The following MYLK3 variants were observed in gnomAD, a reference collection of about 807,000 sequenced individuals.
MYLK3 encodes the protein myosin light chain kinase 3, also known as MLC kinase.
Under a neutral mutation model 76.3 loss-of-function variants are expected in MYLK3, and 55 were observed. That is an observed-to-expected ratio of 0.72 (90% CI 0.58 to 0.90). The LOEUF is 0.90. Ranked by LOEUF, MYLK3 falls within the 40% of genes least tolerant of loss-of-function variation. The pLI is 0.00. For synonymous variants in MYLK3, 416 were observed against 425.4 expected, an observed-to-expected ratio of 0.98 and a Z score of 0.27; for missense variants, 973 against 1,053.6, an observed-to-expected ratio of 0.92 and a Z score of 1.06.
At chr16:46,740,260 C>T in intron 1 of MYLK3, 113 bp from the exon 2 acceptor site, 2 of 751,452 alleles carry the variant, frequency 2.7e-6, no homozygotes, top group Middle Eastern at 3.7e-4. Flanking sequence ...TAGATTACTT[C>T]ACACAGTCTC....
chr16:46,706,114 AC>A lies in MYLK3; in HGVS notation c.*1589del, dbSNP rs951751821. On this transcript the variant is annotated 3_prime_UTR_variant, in exon 13 of 13. Transcript: ENST00000394809. The stretch of plus-strand genomic sequence containing the variant: ...AACAATGTGAGGGTTAGGAGTGCCT[AC>A]CCCCTTGCAGTAGAAAATCTGAGTA... 2.0e-5 allele frequency: 3 copies of A among 151,996 alleles called. No homozygotes were observed. Among genetic ancestry groups the A allele is most frequent in the Non-Finnish European group, 2.9e-5 (2 of 68,004 alleles). 9.4% of individuals were successfully genotyped at this position (151,996 alleles called of 1,614,324 possible).
intron 1 of MYLK3, among the ~76,000 whole-genome samples, chr16:46,743,543 T>C (rs1368401826): frequency 2.0e-5 from 3 of 152,206 alleles, no homozygotes; most frequent in Non-Finnish European, 4.4e-5. Context: ...ATGGGGAGCC[T>C]GGACCAAACC....
intron 9 of MYLK3, among the ~76,000 whole-genome samples, chr16:46,714,556 G>A (rs931273759): frequency 5.3e-5 from 8 of 152,128 alleles, no homozygotes; most frequent in Non-Finnish European, 7.4e-5. Flanking sequence ...ATCAGGAGCC[G>A]AACTCCAACT....
chr16:46,749,008 A>G (rs923258623), upstream of MYLK3, among the ~76,000 whole-genome samples: 2 of 152,242 alleles, frequency 1.3e-5, no homozygotes, highest in Non-Finnish European at 2.9e-5. Flanking sequence ...TGCTCCCCCA[A>G]TAACAACTAT....
chr16:46,728,264 A>G (rs1966846244), intron 7 of MYLK3, among the ~76,000 whole-genome samples: 1 of 152,106 alleles, frequency 6.6e-6, no homozygotes, highest in Non-Finnish European at 1.5e-5. Context: ...AAGCCTGGTC[A>G]CCCTGTATAC....
chr16:46,728,274 C>A (rs1345174987), intron 7 of MYLK3, among the ~76,000 whole-genome samples: 1 of 152,138 alleles, frequency 6.6e-6, no homozygotes, highest in Non-Finnish European at 1.5e-5. Flanking sequence ...ACCCTGTATA[C>A]AAACAGCAAC....
intron 11 of MYLK3, 121 bp from the exon 12 acceptor site, chr16:46,709,792 T>C: frequency 8.5e-7 from 1 of 1,174,896 alleles, no homozygotes; most frequent in East Asian, 2.4e-5. Flanking sequence ...GGCAGATTCA[T>C]GCCATGTACC....
At chr16:46,762,189 A>T (rs1045482040) in intron 1 of MYLK3, among the ~76,000 whole-genome samples, 1 of 152,260 alleles carries the variant, frequency 6.6e-6, no homozygotes, top group Non-Finnish European at 1.5e-5. Context: ...TTCCAGGTTT[A>T]CTAGGTAAAG....
chr16:46,754,559 T>C (rs1227508144), intron 1 of MYLK3, among the ~76,000 whole-genome samples: 1 of 152,172 alleles, frequency 6.6e-6, no homozygotes, highest in African/African-American at 2.4e-5. Context: ...CTGGGCCACC[T>C]CTGGACTCTA....
rs776264425 is a variant in MYLK3, at chr16:46,738,145, T to C, written c.569-2A>G. 30 of 1,516,384 alleles carry C rather than the reference T, an allele frequency of 2.0e-5. No individual in the cohort carries two copies. Among genetic ancestry groups the C allele is most frequent in the Non-Finnish European group, 2.6e-5 (30 of 1,136,276 alleles). The allele number at this position is 1,516,384 out of a possible 1,614,324, so 93.9% of individuals were successfully genotyped here. ...CCAGCACGTCCGCCTTCTGGCTCTC[T>C]ACAGGAAAACAGGCAGGACAAAAAT... On this transcript the variant is annotated splice_acceptor_variant, in intron 2 of 12. Transcript: ENST00000394809. LOFTEE classifies it high-confidence loss of function.
At chr16:46,735,262 A>G (rs1966862952) in intron 3 of MYLK3, among the ~76,000 whole-genome samples, 1 of 152,090 alleles carries the variant, frequency 6.6e-6, no homozygotes, top group South Asian at 2.1e-4. Flanking sequence ...CTGGAGTGCA[A>G]TGGCACAATC....
intron 6 of MYLK3, 36 bp downstream of exon 6, chr16:46,729,558 C>A: frequency 6.3e-7 from 1 of 1,590,004 alleles, no homozygotes; most frequent in South Asian, 1.1e-5. Context: ...AATCCTGAGG[C>A]TGGCCACAGG....
At chr16:46,755,858 G>A (rs1242991018) in intron 1 of MYLK3, among the ~76,000 whole-genome samples, 1 of 151,628 alleles carries the variant, frequency 6.6e-6, no homozygotes, top group Non-Finnish European at 1.5e-5. Context: ...GGGAACAAAA[G>A]GAATTAGAGA....
chr16:46,750,900 G>A (rs1215157286), upstream of MYLK3, among the ~76,000 whole-genome samples: 3 of 152,172 alleles, frequency 2.0e-5, no homozygotes, highest in Non-Finnish European at 4.4e-5. Context: ...GGCTGAGGCA[G>A]GAGAATCTCT....
intron 1 of MYLK3, among the ~76,000 whole-genome samples, 191 bp from the exon 2 acceptor site, chr16:46,740,338 C>CT (rs1330206908): frequency 6.6e-6 from 1 of 151,848 alleles, no homozygotes; most frequent in Non-Finnish European, 1.5e-5. Context: ...GCCTTCCCAA[C>CT]GTCATAAAAT....
At chr16:46,760,617 G>T (rs940614498) in intron 1 of MYLK3, among the ~76,000 whole-genome samples, 1 of 152,154 alleles carries the variant, frequency 6.6e-6, no homozygotes, top group African/African-American at 2.4e-5. Flanking sequence ...AGTGCTCCCA[G>T]CCCCACCCCA....
chr16:46,707,770 G>A lies in MYLK3; in HGVS notation c.2401-7C>T, dbSNP rs376282582. On this transcript the variant is annotated splice_region_variant and splice_polypyrimidine_tract_variant and intron_variant, in intron 12 of 12. Coordinates refer to ENST00000394809, the MANE Select transcript of MYLK3 (RefSeq NM_182493.3). Reference sequence around the variant, plus strand: ...TCACCACATAGAAATGTTTCTTGAGGCAAGGAGAGAATAAAAGAAAAGAAA... The same window carrying A: ...TCACCACATAGAAATGTTTCTTGAGACAAGGAGAGAATAAAAGAAAAGAAA... The A allele has an allele frequency of 1.2e-6, 2 of 1,604,410 alleles. No individual in the cohort carries two copies. The highest frequency in any genetic ancestry group is 1.3e-5 in the African/African-American group (1 of 74,524).
intron 1 of MYLK3, among the ~76,000 whole-genome samples, chr16:46,743,856 C>A (rs1966974032): frequency 1.3e-5 from 2 of 152,100 alleles, no homozygotes; most frequent in African/African-American, 4.8e-5. Context: ...GATGTTCAGT[C>A]CTCTAGTAAA....
intron 7 of MYLK3, 65 bp from the exon 8 acceptor site, chr16:46,727,442 C>G: frequency 6.6e-7 from 1 of 1,526,362 alleles, no homozygotes; most frequent in Non-Finnish European, 8.9e-7. Context: ...TGTCCACTGT[C>G]ATTATAGGGC....
Sources: allele counts gnomAD v4.1 joint callset (sites outside exome capture counted in the v4.1 genomes callset), GRCh38; gene constraint gnomAD v4.1.1; transcripts MANE v1.5; gene names NCBI Gene and HGNC (gene_info 2026-07-23, HGNC 2026-07-21).